Variants in LAMA2 observed in about 807,000 individuals in gnomAD.
LAMA2 encodes laminin subunit alpha 2.
LAMA2 carries 269 observed loss-of-function variants against 364.8 expected under a neutral mutation model. That is an observed-to-expected ratio of 0.74 (90% CI 0.67 to 0.82). LAMA2 has a LOEUF of 0.82. Ranked by LOEUF, LAMA2 falls within the 40% of genes least tolerant of loss-of-function variation. LAMA2 has a pLI of 0.00. For synonymous variants in LAMA2, 1,379 were observed against 1,370.6 expected (o/e 1.01, Z -0.14); for missense variants, 3,807 against 3,873.2 (o/e 0.98, Z 0.45).
chr6:129,365,042 A>G (rs1777682556), intron 32 of LAMA2, among the ~76,000 whole-genome samples: 1 of 152,220 alleles, frequency 6.6e-6, no homozygotes, highest in South Asian at 2.1e-4. Flanking sequence ...CAGTGATTCA[A>G]TACCTCCCAC....
rs924344860 is a variant in LAMA2 at position 129,270,704 on chromosome 6, T to C, written c.2403T>C (p.Ser801=). 1.2e-6 allele frequency: 2 copies of C among 1,613,260 alleles called. No individual in the cohort carries two copies. The highest frequency in any genetic ancestry group is 1.1e-5 in the South Asian group (1 of 91,078). ...ATGGCGAGCCTACTAAAGGAACCTCTGAAGACTGTCAACCCTGTGCCTGTC... is the reference window on the plus strand; with the variant it reads ...ATGGCGAGCCTACTAAAGGAACCTCCGAAGACTGTCAACCCTGTGCCTGTC... The part of the protein sequence containing the change: ...GFYGEPTKGT[S]EDCQPCACPL... Residue 801 remains serine, a synonymous_variant, in exon 17 of 65, where the codon TCT becomes TCC. Coordinates refer to ENST00000421865, the MANE Select transcript of LAMA2 (RefSeq NM_000426.4).
intron 23 of LAMA2, 101 bp downstream of exon 23, chr6:129,313,198 G>T: frequency 1.4e-6 from 1 of 725,568 alleles, no homozygotes; most frequent in Non-Finnish European, 2.3e-6. Flanking sequence ...GCTTCATTAA[G>T]CTAAACAAAC....
intron 1 of LAMA2, among the ~76,000 whole-genome samples, chr6:128,911,503 C>G (rs1007482649): frequency 1.3e-5 from 2 of 151,802 alleles, no homozygotes; most frequent in Non-Finnish European, 2.9e-5. Context: ...GGCTCACGCA[C>G]GGTGCGCGCA....
chr6:129,478,626 T>C, intron 53 of LAMA2, 67 bp from the exon 54 acceptor site: 1 of 1,558,476 alleles, frequency 6.4e-7, no homozygotes, highest in Non-Finnish European at 8.8e-7. Flanking sequence ...TTCCTTCCCA[T>C]AGTCAGAGAC....
intron 1 of LAMA2, among the ~76,000 whole-genome samples, chr6:128,950,530 A>T (rs1458986774): frequency 6.6e-6 from 1 of 152,118 alleles, no homozygotes; most frequent in African/African-American, 2.4e-5. Flanking sequence ...TTTACTCTAC[A>T]AAGTGCCCAC....
At chr6:128,945,730 TCAAGATTCA>T (rs1780444728) in intron 1 of LAMA2, among the ~76,000 whole-genome samples, 1 of 152,160 alleles carries the variant, frequency 6.6e-6, no homozygotes, top group South Asian at 2.1e-4. Context: ...AAGATGACCC[TCAAGATTCA>T]CAACCTCTGG....
Position 129,098,184 on chromosome 6 carries a change from C to T in LAMA2, c.408C>T (p.Ile136=), listed in dbSNP as rs145149634. Residue 136 remains isoleucine (I), a synonymous_variant, in exon 4 of 65, where the codon ATC becomes ATT. Transcript: ENST00000421865. ...ITLDLQQVFQ[I]AYVIVKAANS... ...TTATACTTCCCTAGGTGTTCCAGAT[C>T]GCGTATGTGATTGTGAAGGCAGCTA... 4.1e-5 allele frequency: 66 copies of T among 1,613,770 alleles called. No individual in the cohort carries two copies. In the African/African-American group the frequency reaches 5.2e-4, roughly 13 times the overall value.
intron 51 of LAMA2, among the ~76,000 whole-genome samples, chr6:129,469,234 T>G (rs544521844): frequency 1.3e-5 from 2 of 151,914 alleles, no homozygotes; most frequent in Non-Finnish European, 2.9e-5. Flanking sequence ...TTTAAGTATA[T>G]TACTCGAGGT....
chr6:128,989,838 T>C (rs1199807536), intron 1 of LAMA2, among the ~76,000 whole-genome samples: 1 of 152,212 alleles, frequency 6.6e-6, no homozygotes, highest in Non-Finnish European at 1.5e-5. Context: ...ACCACAGCAG[T>C]GGCAAATTCA....
intron 9 of LAMA2, among the ~76,000 whole-genome samples, chr6:129,170,838 C>A (rs1462797399): frequency 1.3e-5 from 2 of 149,242 alleles, no homozygotes; most frequent in African/African-American, 5.0e-5. Context: ...TCAGGACTTG[C>A]TTTATGAATC....
chr6:129,109,519 T>G (rs1338730929), intron 4 of LAMA2, among the ~76,000 whole-genome samples: 1 of 141,800 alleles, frequency 7.1e-6, no homozygotes, highest in Non-Finnish European at 1.5e-5. Context: ...TTTTATGAAG[T>G]CTTTAAAATT....
At chr6:129,236,798 A>G (rs796747992) in intron 12 of LAMA2, among the ~76,000 whole-genome samples, 6 of 152,300 alleles carry the variant, frequency 3.9e-5, no homozygotes, top group African/African-American at 1.4e-4. Context: ...GTGGAAACAT[A>G]CTATACACAT....
intron 30 of LAMA2, among the ~76,000 whole-genome samples, chr6:129,348,044 G>A (rs964050062): frequency 2.0e-5 from 3 of 152,100 alleles, no homozygotes; most frequent in Admixed American, 6.5e-5. Flanking sequence ...GTGTGTGTTC[G>A]CGTATGCGTG....
chr6:129,054,004 AG>A (rs1489591380), intron 2 of LAMA2, among the ~76,000 whole-genome samples: 1 of 152,256 alleles, frequency 6.6e-6, no homozygotes, highest in Non-Finnish European at 1.5e-5. Context: ...CATTAAGCAT[AG>A]GCAAAAACCT....
rs1445844811 is a variant in LAMA2 at position 129,486,499 on chromosome 6, G to A, written c.7775G>A (p.Arg2592Lys). 1 of 1,613,718 alleles carries A rather than the reference G, an allele frequency of 6.2e-7. No homozygotes were observed. The highest frequency in any genetic ancestry group is 1.1e-5 in the South Asian group (1 of 91,070). ...GCCTATTATGCAATACTCCTCAACA[G>A]GGGCCGTCTGGAAGTGCATCTCTCC... ...GQAYYAILLN[R>K]GRLEVHLSTG... Residue 2592 changes from arginine to lysine, a missense_variant, in exon 56 of 65, where the codon AGG becomes AAG. Physicochemically the swap from Arg to Lys is conservative, Grantham distance 26. Transcript: ENST00000421865.
At chr6:129,340,830 C>CAAAAAAAAA (rs34264921) in intron 29 of LAMA2, among the ~76,000 whole-genome samples, 8 of 59,566 alleles carry the variant, frequency 1.3e-4, no homozygotes, top group South Asian at 5.9e-4. Flanking sequence ...AGCTCTGTCT[C>CAAAAAAAAA]AAAAAAAAAA....
chr6:128,897,979 A>G (rs1348984380), intron 1 of LAMA2, among the ~76,000 whole-genome samples: 1 of 152,206 alleles, frequency 6.6e-6, no homozygotes, highest in African/African-American at 2.4e-5. Context: ...CTGTTGCAAT[A>G]GTGCTGTTGA....
At chr6:129,371,396 T>G (rs1778068234) in intron 34 of LAMA2, among the ~76,000 whole-genome samples, 1 of 152,088 alleles carries the variant, frequency 6.6e-6, no homozygotes, top group Admixed American at 6.5e-5. Context: ...AATAATAGAA[T>G]AATTTCATCT....
intron 48 of LAMA2, 95 bp downstream of exon 48, chr6:129,456,589 T>G: frequency 4.4e-6 from 5 of 1,148,114 alleles, no homozygotes; most frequent in Non-Finnish European, 6.6e-6. Context: ...TCTGTAAAAC[T>G]TGATCACGTT....
Sources: allele counts gnomAD v4.1 joint callset (sites outside exome capture counted in the v4.1 genomes callset), GRCh38; gene constraint gnomAD v4.1.1; transcripts MANE v1.5; gene names NCBI Gene and HGNC (gene_info 2026-07-23, HGNC 2026-07-21).